The following MTERF4 variants were observed in gnomAD, a reference collection of about 807,000 sequenced individuals.
The protein encoded by MTERF4 is transcription termination factor 4, mitochondrial.
MTERF4 carries 17 observed loss-of-function variants against 22.5 expected under a neutral mutation model. That is an observed-to-expected ratio of 0.75 (90% CI 0.52 to 1.13). The LOEUF is 1.13. Ranked by LOEUF, MTERF4 falls within the 50% of genes most tolerant of loss-of-function variation. The pLI, the probability that MTERF4 is intolerant of heterozygous loss-of-function variation, is 0.00. For synonymous variants in MTERF4, 165 were observed against 175.3 expected, an observed-to-expected ratio of 0.94 and a Z score of 0.47; for missense variants, 420 against 466.8, an observed-to-expected ratio of 0.90 and a Z score of 0.92.
At chr2:241,051,903 C>T in the MTERF4 span, 1 of 1,503,302 alleles carries the variant, frequency 6.7e-7, no homozygotes, top group Non-Finnish European at 9.0e-7. This position sits in a 1 kb window ranked among gnomAD's most constrained non-coding sequence, Gnocchi z 4.7. Flanking sequence ...AACGACGGGC[C>T]AGCCCTGAGC....
the MTERF4 span, among the ~76,000 whole-genome samples, chr2:241,066,262 C>T: frequency 6.6e-6 from 1 of 151,998 alleles, no homozygotes; most frequent in Non-Finnish European, 1.5e-5. Context: ...GTTGCCGTGT[C>T]GGGGAGCAGA....
chr2:241,096,336 G>T lies in MTERF4; in HGVS notation c.808C>A (p.Arg270Ser), dbSNP rs777335629. ...KIKQRHIYLE[R>S]LGRYQTPDKK... The stretch of plus-strand genomic sequence containing the variant: ...TCAGGGGTTTGGTACCGTCCCAGGC[G>T]CTCCAGGTAAATGTGTCTCTGCTTA... Residue 270 changes from arginine to serine, a missense_variant, in exon 4 of 4, where the codon CGC becomes AGC. Physicochemically the swap from Arg to Ser is moderately radical, Grantham distance 110 (BLOSUM62 -1). Transcript: ENST00000391980. This position sits in a 1 kb window ranked among gnomAD's most constrained non-coding sequence, Gnocchi z 5.1. 5 of 1,614,028 alleles carry T rather than the reference G, an allele frequency of 3.1e-6. No individual in the cohort carries two copies. The highest frequency in any genetic ancestry group is 4.2e-6 in the Non-Finnish European group (5 of 1,180,036).
At chr2:241,089,062 C>G (rs938709457), downstream of MTERF4, 5 of 417,090 alleles carry the variant, frequency 1.2e-5, no homozygotes, top group African/African-American at 1.0e-4. Flanking sequence ...AAACCCCATC[C>G]TGCCCCCACC....
At chr2:241,068,918 C>T, downstream of MTERF4, 1 of 1,550,658 alleles carries the variant, frequency 6.4e-7, no homozygotes, top group South Asian at 1.2e-5. The surrounding 1 kb of genome is among the most constrained non-coding windows in gnomAD (Gnocchi z 5.3). Context: ...CAGGGCCCTG[C>T]TGCCTGGGAA....
chr2:241,072,136 G>A (rs771847410), downstream of MTERF4: 21 of 691,318 alleles, frequency 3.0e-5, no homozygotes, highest in African/African-American at 7.0e-5. Context: ...GGTAGGGCAC[G>A]CAAGAGAAGA....
intron 4 of MTERF4, among the ~76,000 whole-genome samples, chr2:241,076,171 G>A (rs2063011296): frequency 1.3e-5 from 2 of 152,160 alleles, no homozygotes; most frequent in South Asian, 4.2e-4. Context: ...ACACTCTATG[G>A]AAAAGGCCTT....
chr2:241,064,578 G>A, the MTERF4 span, among the ~76,000 whole-genome samples: 6 of 152,178 alleles, frequency 3.9e-5, no homozygotes, highest in Non-Finnish European at 2.9e-5. The surrounding 1 kb of genome is among the most constrained non-coding windows in gnomAD (Gnocchi z 7.0). Context: ...TCACTGGGGT[G>A]GTGGCCTGTC....
chr2:241,089,368 A>G (rs1034104007), downstream of MTERF4: 14 of 1,544,386 alleles, frequency 9.1e-6, no homozygotes, highest in African/African-American at 1.9e-4. Flanking sequence ...TTACGTGCCT[A>G]AAAAAATAAA....
chr2:241,055,211 G>C, the MTERF4 span, among the ~76,000 whole-genome samples: 1 of 152,172 alleles, frequency 6.6e-6, no homozygotes, highest in Non-Finnish European at 1.5e-5. Context: ...AAATGAAAAT[G>C]TAAAGGATAA....
chr2:241,090,347 G>A (rs1299960969), downstream of MTERF4: 1 of 1,550,226 alleles, frequency 6.5e-7, no homozygotes, highest in Admixed American at 2.0e-5. Context: ...ACATGGAGCT[G>A]CCACCTCCTG....
chr2:241,064,264 G>A, the MTERF4 span: 1 of 623,880 alleles, frequency 1.6e-6, no homozygotes. The surrounding 1 kb of genome is among the most constrained non-coding windows in gnomAD (Gnocchi z 7.0). Flanking sequence ...CGCCTTGGAA[G>A]TCCCCTTCTC....
chr2:241,101,145 A>T (rs750990404), intron 1 of MTERF4: 71 of 462,822 alleles, frequency 1.5e-4, no homozygotes, highest in Non-Finnish European at 2.8e-4. Context: ...ATATAAGATG[A>T]AATAATTATA....
At chr2:241,087,593 C>G (rs906183968), downstream of MTERF4, 2 of 1,452,614 alleles carry the variant, frequency 1.4e-6, no homozygotes, top group African/African-American at 2.9e-5. Flanking sequence ...GGTCTACTCG[C>G]CCAGATAGGC....
chr2:241,071,878 C>T (rs763042127), downstream of MTERF4: 4 of 1,598,930 alleles, frequency 2.5e-6, no homozygotes, highest in South Asian at 1.1e-5. Flanking sequence ...CGTGAGATCA[C>T]GTGAGTGCCA....
chr2:241,063,856 G>C, the MTERF4 span, among the ~76,000 whole-genome samples: 2 of 151,982 alleles, frequency 1.3e-5, no homozygotes. Flanking sequence ...GTGGAGGTGA[G>C]GGTGCTGGGG....
chr2:241,071,768 T>C, downstream of MTERF4: 1 of 1,478,454 alleles, frequency 6.8e-7, no homozygotes, highest in Non-Finnish European at 9.1e-7. Flanking sequence ...GCGCTCGGAC[T>C]GTGGTGACCC....
chr2:241,096,108 C>G lies in MTERF4; in HGVS notation c.1036G>C (p.Asp346His), dbSNP rs1169199128. The G allele has an allele frequency of 1.2e-6, 2 of 1,613,536 alleles. No homozygotes were observed. Among genetic ancestry groups the G allele is most frequent in the South Asian group, 2.2e-5 (2 of 91,058 alleles). Reference protein sequence around the residue: ...RASLDEDEDDDDEEDNDEDDN... With the variant: ...RASLDEDEDDHDEEDNDEDDN... ...TCCTCATCATTGTCCTCCTCATCAT[C>G]GTCATCCTCATCCTCATCCAGACTT... Residue 346 changes from aspartate to histidine, a missense_variant, in exon 4 of 4, where the codon GAT (aspartate) becomes CAT (histidine). Coordinates refer to ENST00000391980, the MANE Select transcript of MTERF4 (RefSeq NM_182501.4). This position sits in a 1 kb window ranked among gnomAD's most constrained non-coding sequence, Gnocchi z 5.1.
At chr2:241,062,841 GA>G in the MTERF4 span, 1 of 1,612,032 alleles carries the variant, frequency 6.2e-7, no homozygotes, top group African/African-American at 1.3e-5. Flanking sequence ...CTCTTGTCAG[GA>G]CCGCGTTGCT....
rs560903070 is a variant in MTERF4 at position 241,097,433 on chromosome 2, G to C, written c.521-6C>G. The C allele has an allele frequency of 1.2e-6, 2 of 1,604,540 alleles. No individual in the cohort carries two copies. Among genetic ancestry groups the C allele is most frequent in the African/African-American group, 1.3e-5 (1 of 74,356 alleles). On this transcript the variant is annotated splice_region_variant and splice_polypyrimidine_tract_variant and intron_variant, in intron 2 of 3. Transcript: ENST00000391980. ...AAGCACCCTCTTTAATTTCCCTGCA[G>C]AACATTCAAAAAAGGCAAGCATATA...
Sources: gnomAD v4.1 joint callset for allele counts (sites outside exome capture counted in the v4.1 genomes callset) on GRCh38, gnomAD v4.1.1 for gene constraint, Gnocchi (gnomAD v3.1) non-coding constraint, MANE v1.5 for transcripts, NCBI Gene and HGNC (gene_info 2026-07-23, HGNC 2026-07-21) for gene names.